The following SKAP2 variants were observed in gnomAD, a reference collection of about 807,000 sequenced individuals.
SKAP2 encodes the protein src kinase associated phosphoprotein 2.
In SKAP2, 28 loss-of-function variants were observed where a neutral mutation model predicts 54.9. The ratio of observed to expected loss-of-function variants is 0.51; its 90% CI spans 0.38 to 0.70. The LOEUF (loss-of-function observed/expected upper bound fraction) is 0.70. Among genes scored for constraint, SKAP2 ranks in the 30% least tolerant of loss-of-function variants. The probability of loss-of-function intolerance (pLI) is 0.00; values close to 1 mark genes in which losing one functional copy is unlikely to be tolerated. For missense variants in SKAP2, 356 were observed against 424.1 expected, an observed-to-expected ratio of 0.84 and a Z score of 1.41; for synonymous variants, 137 against 134.3, an observed-to-expected ratio of 1.02 and a Z score of -0.14.
At chr7:26,769,330 T>TGG (rs1179606545) in intron 4 of SKAP2, among the ~76,000 whole-genome samples, 1 of 152,226 alleles carries the variant, frequency 6.6e-6, no homozygotes, top group Non-Finnish European at 1.5e-5. Flanking sequence ...TTCTCCAAAC[T>TGG]GGTTATTCTA....
intron 3 of SKAP2, among the ~76,000 whole-genome samples, chr7:26,850,973 A>C (rs1785027097): frequency 6.6e-6 from 1 of 152,186 alleles, no homozygotes; most frequent in South Asian, 2.1e-4. Context: ...AGCCTAATAC[A>C]CAAGCTTCAG....
At chr7:26,654,794 T>C in the SKAP2 span, among the ~76,000 whole-genome samples, 1 of 152,248 alleles carries the variant, frequency 6.6e-6, no homozygotes, top group Admixed American at 6.5e-5. Context: ...TAGTTTTTAA[T>C]TGAGAAAAAC....
chr7:26,861,612 CCTCT>C (rs1295219111), intron 1 of SKAP2, among the ~76,000 whole-genome samples: 3 of 134,092 alleles, frequency 2.2e-5, no homozygotes, highest in East Asian at 4.0e-4. Flanking sequence ...ACAATAACAA[CCTCT>C]TTTTTTTTTT....
intron 4 of SKAP2, among the ~76,000 whole-genome samples, chr7:26,747,880 C>T (rs890085414): frequency 6.7e-6 from 1 of 149,162 alleles, no homozygotes; most frequent in African/African-American, 2.5e-5. Flanking sequence ...CTACTAATTT[C>T]CATAGAAATC....
At chr7:26,804,610 G>A (rs1004033304) in intron 4 of SKAP2, among the ~76,000 whole-genome samples, 1 of 151,768 alleles carries the variant, frequency 6.6e-6, no homozygotes, top group African/African-American at 2.4e-5. Flanking sequence ...ATGGTGGCAC[G>A]CACCTGTAGT....
chr7:26,809,211 T>C (rs559233), intron 4 of SKAP2, among the ~76,000 whole-genome samples: 78,480 of 151,180 alleles, frequency 0.52, 20,908 homozygotes, highest in East Asian at 0.85. Flanking sequence ...GTCAGGAGTT[T>C]GAGACCAGCC....
At chr7:26,694,007 T>A (rs1050349944) in intron 9 of SKAP2, among the ~76,000 whole-genome samples, 5 of 152,214 alleles carry the variant, frequency 3.3e-5, no homozygotes, top group African/African-American at 1.2e-4. Flanking sequence ...CATATTCATT[T>A]ATTAATAGAA....
intron 4 of SKAP2, among the ~76,000 whole-genome samples, chr7:26,794,915 A>G (rs1783742940): frequency 6.6e-6 from 1 of 152,162 alleles, no homozygotes; most frequent in African/African-American, 2.4e-5. Context: ...GTACGTATAT[A>G]AGTTCCTAAT....
chr7:26,837,233 T>C (rs1316591550), intron 4 of SKAP2, among the ~76,000 whole-genome samples: 2 of 152,110 alleles, frequency 1.3e-5, no homozygotes, highest in Non-Finnish European at 2.9e-5. Context: ...ATACCTAATG[T>C]AGATGATGGG....
chr7:26,704,324 AGAG>A (rs1274992050), intron 9 of SKAP2, among the ~76,000 whole-genome samples: 1 of 152,198 alleles, frequency 6.6e-6, no homozygotes, highest in African/African-American at 2.4e-5. Context: ...ATGAAAAAAC[AGAG>A]TTAGGCTAAG....
chr7:26,726,115 G>C (rs1293774443), intron 7 of SKAP2, 129 bp from the exon 8 acceptor site: 1 of 613,904 alleles, frequency 1.6e-6, no homozygotes, highest in Non-Finnish European at 2.8e-6. Flanking sequence ...TTGCAAGGAT[G>C]CTTCTTATAA....
At chr7:26,823,458 A>T (rs1784426165) in intron 4 of SKAP2, among the ~76,000 whole-genome samples, 1 of 151,410 alleles carries the variant, frequency 6.6e-6, no homozygotes. Context: ...AGCAAAAAGC[A>T]AAACAGCCTA....
chr7:26,669,017 T>C lies in SKAP2; in HGVS notation c.*649A>G, dbSNP rs1465056419. 1 of 152,216 alleles carries C rather than the reference T, an allele frequency of 6.6e-6. No homozygotes were observed. Among genetic ancestry groups the C allele is most frequent in the Non-Finnish European group, 1.5e-5 (1 of 68,042 alleles). The allele number at this position is 152,216 out of a possible 1,614,324, so 9.4% of individuals were successfully genotyped here. A position where few individuals can be genotyped will look rare whatever the true frequency, so the allele number is the denominator to read the frequency against. The stretch of plus-strand genomic sequence containing the variant: ...TATTTGTACGGTAAAATGCTTTGCA[T>C]GAGTCATACTTCTGGTACGCACTTC... On this transcript the variant is annotated 3_prime_UTR_variant, in exon 13 of 13. Transcript: ENST00000345317.
In SKAP2 at chr7:26,864,539, G is replaced by A. The variant is rs1785335663; in HGVS notation, c.-110C>T. ...AGGCTAGCGGCCCGGATTAAGAACA[G>A]CGGGGCTACGAGTCGGGACACTGCC... On this transcript the variant is annotated 5_prime_UTR_variant, in exon 1 of 13. Transcript: ENST00000345317. 6.8e-7 allele frequency: 1 copy of A among 1,466,558 alleles called. No homozygotes were observed. Among genetic ancestry groups the A allele is most frequent in the Non-Finnish European group, 9.0e-7 (1 of 1,109,988 alleles). The allele number at this position is 1,466,558 out of a possible 1,614,324, so 90.8% of individuals were successfully genotyped here.
chr7:26,861,268 C>A (rs1376986566), intron 1 of SKAP2, among the ~76,000 whole-genome samples: 2 of 151,932 alleles, frequency 1.3e-5, no homozygotes, highest in African/African-American at 2.4e-5. Context: ...ATTATTCTTG[C>A]TGCTAGTCCT....
At chr7:26,730,768 T>C (rs1369129918) in intron 6 of SKAP2, among the ~76,000 whole-genome samples, 1 of 152,190 alleles carries the variant, frequency 6.6e-6, no homozygotes, top group Non-Finnish European at 1.5e-5. Flanking sequence ...TAAAAAGCAG[T>C]TGGCTCTGAT....
rs1020796764 is a variant in SKAP2 at position 26,699,537 on chromosome 7, C to T, written c.797-9175G>A. Among the ~76,000 whole-genome samples the T allele has an allele frequency of 2.6e-5, 4 of 151,938 alleles. No individual in the cohort carries two copies. In the South Asian group the frequency reaches 8.3e-4, roughly 32 times the overall value. ...TTCTTTAAAGATCTGTTTTAATTTC[C>T]AATAGGGTAAATATTGAGATTTAAC... On this transcript the variant is annotated intron_variant, in intron 9 of 12. Transcript: ENST00000345317.
chr7:26,670,111 A>C lies in SKAP2; in HGVS notation c.1069T>G (p.Tyr357Asp). ...LVPKAYIMEM[Y>D]DI ...CTTACCCAGGACTCTCAAATATCAT[A>C]CATCTCCATTATGTAGGCTTTAGGC... Residue 357 changes from tyrosine to aspartate, a missense_variant, in exon 12 of 13, where the codon TAT becomes GAT. Transcript: ENST00000345317. The C allele has an allele frequency of 6.8e-7, 1 of 1,471,170 alleles. No individual in the cohort carries two copies. Among genetic ancestry groups the C allele is most frequent in the Non-Finnish European group, 9.5e-7 (1 of 1,049,756 alleles). 91.1% of individuals were successfully genotyped at this position (1,471,170 alleles called of 1,614,324 possible). A position where few individuals can be genotyped will look rare whatever the true frequency, so the allele number is the denominator to read the frequency against.
At chr7:26,798,094 T>C (rs1056799529) in intron 4 of SKAP2, among the ~76,000 whole-genome samples, 1 of 151,972 alleles carries the variant, frequency 6.6e-6, no homozygotes, top group African/African-American at 2.4e-5. Flanking sequence ...AAGAAGGTTA[T>C]AGAACACTAA....
Sources: gnomAD v4.1 joint callset for allele counts (sites outside exome capture counted in the v4.1 genomes callset) on GRCh38, gnomAD v4.1.1 for gene constraint, MANE v1.5 for transcripts, NCBI Gene and HGNC (gene_info 2026-07-23, HGNC 2026-07-21) for gene names.